The following DGKB variants were observed in gnomAD, a reference collection of about 807,000 sequenced individuals.
DGKB encodes the protein 90 kDa diacylglycerol kinase.
DGKB carries 67 observed loss-of-function variants against 114.3 expected under a neutral mutation model. The ratio of observed to expected loss-of-function variants is 0.59; its 90% CI spans 0.48 to 0.72. DGKB has a LOEUF of 0.72. Ranked by LOEUF, DGKB falls within the 30% of genes least tolerant of loss-of-function variation. The pLI is 0.00. For synonymous variants in DGKB, 398 were observed against 323.1 expected (o/e 1.23, Z -2.49); for missense variants, 907 against 975.2 (o/e 0.93, Z 0.93).
In DGKB at chr7:14,946,062, T is replaced by G. The variant is rs903879839; in HGVS notation, c.-188+28634A>C. Among the ~76,000 whole-genome samples the G allele has an allele frequency of 2.6e-5, 4 of 151,344 alleles. No individual in the cohort carries two copies. The South Asian group carries it at 8.3e-4, about 31-fold the overall frequency. The stretch of plus-strand genomic sequence containing the variant: ...AAACATCTAATGTATTATTTTGACA[T>G]TAATAGATAAAATATTATTAATATA... On this transcript the variant is annotated intron_variant, in intron 1 of 4. Transcript: ENST00000437998.
At chr7:14,652,601 C>G (rs13223495) in intron 13 of DGKB, among the ~76,000 whole-genome samples, 30 of 149,552 alleles carry the variant, frequency 2.0e-4, no homozygotes, top group East Asian at 5.9e-4. Flanking sequence ...CAAGGACTTC[C>G]TGTCTAAAAC....
chr7:14,789,959 C>T (rs572570341), intron 2 of DGKB, among the ~76,000 whole-genome samples: 1 of 152,186 alleles, frequency 6.6e-6, no homozygotes, highest in South Asian at 2.1e-4. Flanking sequence ...TAGTTGATGT[C>T]GTTACCAATT....
At chr7:14,489,125 C>G (rs1006014762) in intron 20 of DGKB, among the ~76,000 whole-genome samples, 2 of 152,106 alleles carry the variant, frequency 1.3e-5, no homozygotes, top group Non-Finnish European at 2.9e-5. Flanking sequence ...ATTTCACAAA[C>G]TCTGCCTGTA....
chr7:14,771,950 T>G (rs1837482954), intron 2 of DGKB, among the ~76,000 whole-genome samples: 1 of 152,120 alleles, frequency 6.6e-6, no homozygotes, highest in Admixed American at 6.6e-5. Context: ...CCACAATTCT[T>G]TATCTTAACC....
rs184216533 is a variant in DGKB, at chr7:14,392,303, C to A, written c.1836-46912G>T. Among the ~76,000 whole-genome samples the A allele has an allele frequency of 1.9e-3, 290 of 152,118 alleles. 3 individuals carry two copies. Among genetic ancestry groups the A allele is most frequent in the Non-Finnish European group, 1.4e-3 (96 of 67,982 alleles). ...ACCTTTCAAGATTATAAGGTTATAGCCTTTATCTGGGAGTTGTCAGTACTG... is the reference window on the plus strand; with the variant it reads ...ACCTTTCAAGATTATAAGGTTATAGACTTTATCTGGGAGTTGTCAGTACTG... On this transcript the variant is annotated intron_variant, in intron 21 of 25. Coordinates refer to ENST00000402815, the MANE Select transcript of DGKB (RefSeq NM_001350709.2).
chr7:14,540,427 A>T (rs1793235993), intron 20 of DGKB, among the ~76,000 whole-genome samples: 1 of 152,132 alleles, frequency 6.6e-6, no homozygotes. Flanking sequence ...TCATGGCCCA[A>T]ATTGGCAGGG....
At chr7:14,592,612 C>G (rs1257886261) in intron 17 of DGKB, among the ~76,000 whole-genome samples, 1 of 151,646 alleles carries the variant, frequency 6.6e-6, no homozygotes, top group Non-Finnish European at 1.5e-5. Context: ...TTATTAATAC[C>G]CAAACTGTAT....
At chr7:14,925,865 T>TCCCC (rs36061275) in intron 1 of DGKB, among the ~76,000 whole-genome samples, 1 of 148,736 alleles carries the variant, frequency 6.7e-6, no homozygotes, top group Non-Finnish European at 1.5e-5. Flanking sequence ...AATAATTGGG[T>TCCCC]CCCCCCCCCA....
At chr7:14,479,888 G>C (rs189477863) in intron 20 of DGKB, among the ~76,000 whole-genome samples, 27 of 152,114 alleles carry the variant, frequency 1.8e-4, no homozygotes, top group Admixed American at 1.4e-3. Flanking sequence ...ACATTCAGCA[G>C]ACTAGTTAAA....
At chr7:14,728,244 C>G (rs1033839166) in intron 5 of DGKB, among the ~76,000 whole-genome samples, 5 of 152,136 alleles carry the variant, frequency 3.3e-5, no homozygotes, top group Non-Finnish European at 7.4e-5. Flanking sequence ...TCTTCTGGAC[C>G]CTTTTATACC....
At chr7:14,833,468 T>C (rs1846705762) in intron 2 of DGKB, among the ~76,000 whole-genome samples, 1 of 152,098 alleles carries the variant, frequency 6.6e-6, no homozygotes, top group Admixed American at 6.6e-5. Context: ...TTAATCATGT[T>C]TCAGGAATAG....
intron 25 of DGKB, among the ~76,000 whole-genome samples, chr7:14,159,268 G>A (rs1208496009): frequency 6.6e-6 from 1 of 151,948 alleles, no homozygotes; most frequent in Non-Finnish European, 1.5e-5. Context: ...TGTTTTCTCT[G>A]CATAAGACAC....
chr7:14,366,929 A>C (rs1816773163), intron 21 of DGKB, among the ~76,000 whole-genome samples: 1 of 152,124 alleles, frequency 6.6e-6, no homozygotes, highest in African/African-American at 2.4e-5. Flanking sequence ...TATAGCCTGT[A>C]GTGTAAGGAC....
chr7:14,607,575 C>T (rs908692016), intron 16 of DGKB, 67 bp from the exon 17 acceptor site: 1 of 628,630 alleles, frequency 1.6e-6, no homozygotes, highest in Non-Finnish European at 2.8e-6. Flanking sequence ...AGTAATGTCT[C>T]TCAGTGTTAT....
intron 21 of DGKB, among the ~76,000 whole-genome samples, chr7:14,393,125 G>C (rs992795084): frequency 6.6e-6 from 1 of 151,726 alleles, no homozygotes; most frequent in Non-Finnish European, 1.5e-5. Flanking sequence ...GCGTAGCTGG[G>C]ACTACAGGCG....
intron 2 of DGKB, among the ~76,000 whole-genome samples, chr7:14,770,404 G>C (rs1256681053): frequency 2.6e-5 from 4 of 152,074 alleles, no homozygotes; most frequent in Non-Finnish European, 4.4e-5. Context: ...CTGTTATAAA[G>C]AAATGTCCTG....
At chr7:14,482,489 G>A (rs10238213) in intron 20 of DGKB, among the ~76,000 whole-genome samples, 4,011 of 152,082 alleles carry the variant, frequency 0.026, 83 homozygotes, top group African/African-American at 0.045. Flanking sequence ...TTCTGCACTA[G>A]TACATATGAA....
intron 1 of DGKB, among the ~76,000 whole-genome samples, chr7:14,932,701 A>C (rs1044678358): frequency 5.9e-5 from 9 of 152,152 alleles, no homozygotes; most frequent in African/African-American, 2.2e-4. Context: ...TAATAACGCA[A>C]AACAATATAG....
At chr7:14,594,099 C>G (rs984756438) in intron 17 of DGKB, among the ~76,000 whole-genome samples, 1 of 152,032 alleles carries the variant, frequency 6.6e-6, no homozygotes, top group Non-Finnish European at 1.5e-5. Context: ...CCAATGAGAT[C>G]TTTAAACTAA....
Sources: allele counts gnomAD v4.1 joint callset (sites outside exome capture counted in the v4.1 genomes callset), GRCh38; gene constraint gnomAD v4.1.1; transcripts MANE v1.5; gene names NCBI Gene and HGNC (gene_info 2026-07-23, HGNC 2026-07-21).